Variants in IRAG1 observed in about 807,000 individuals in gnomAD.
IRAG1 encodes the protein IP3R-associated cGMP kinase substrate.
Under a neutral mutation model 106.2 loss-of-function variants are expected in IRAG1, and 62 were observed. The ratio of observed to expected loss-of-function variants is 0.58; its 90% CI spans 0.48 to 0.72. The LOEUF is 0.72. Among genes scored for constraint, IRAG1 ranks in the 30% least tolerant of loss-of-function variants. IRAG1 has a pLI of 0.00. For missense variants in IRAG1, 1,064 were observed against 1,140.7 expected (o/e 0.93, Z 0.97); for synonymous variants, 462 against 443.9 (o/e 1.04, Z -0.51).
At chr11:10,636,093 G>A in intron 2 of IRAG1, among the ~76,000 whole-genome samples, 1 of 152,210 alleles carries the variant, frequency 6.6e-6, no homozygotes, top group East Asian at 1.9e-4. Context: ...TCGTGGACAA[G>A]TTATTTAACC....
Position 10,657,759 on chromosome 11 carries a change from T to A in IRAG1, c.68-5577A>T, listed in dbSNP as rs1859035431. On this transcript the variant is annotated intron_variant, in intron 1 of 20. Coordinates refer to ENST00000423302, the MANE Select transcript of IRAG1 (RefSeq NM_130385.4). This position sits in a 1 kb window ranked among gnomAD's most constrained non-coding sequence, Gnocchi z 4.1. The stretch of plus-strand genomic sequence containing the variant: ...GGGAATTGTTGGGGGTGACTGCACG[T>A]GGAGCTCTCTTAGCCCTTCTGCAAA... Among the ~76,000 whole-genome samples, 1 of 152,178 alleles carries A rather than the reference T, an allele frequency of 6.6e-6. No individual in the cohort carries two copies. Among genetic ancestry groups the A allele is most frequent in the South Asian group, 2.1e-4 (1 of 4,824 alleles).
At chr11:10,672,849 C>T (rs1860355642) in intron 1 of IRAG1, among the ~76,000 whole-genome samples, 1 of 152,070 alleles carries the variant, frequency 6.6e-6, no homozygotes, top group African/African-American at 2.4e-5. Flanking sequence ...AATGTATATC[C>T]ACATAAAAAC....
At chr11:10,616,991 G>A (rs1207283688) in intron 10 of IRAG1, 1 of 981,190 alleles carries the variant, frequency 1.0e-6, no homozygotes, top group East Asian at 1.1e-4. Context: ...TGAGTCCCAG[G>A]ATGGTTCCTA....
At chr11:10,606,795 T>G (rs373456632) in intron 11 of IRAG1, 23 bp from the exon 12 acceptor site, 3 of 1,570,520 alleles carry the variant, frequency 1.9e-6, no homozygotes, top group Non-Finnish European at 2.6e-6. Context: ...AAACACACAA[T>G]TGAACTGTGT....
intron 2 of IRAG1, among the ~76,000 whole-genome samples, chr11:10,636,535 G>A (rs1000444570): frequency 2.0e-5 from 3 of 152,216 alleles, no homozygotes; most frequent in African/African-American, 4.8e-5. Flanking sequence ...TTAAATAAAT[G>A]TGTACATTAC....
intron 9 of IRAG1, among the ~76,000 whole-genome samples, chr11:10,625,289 C>T (rs1210056429): frequency 6.6e-6 from 1 of 152,110 alleles, no homozygotes; most frequent in Non-Finnish European, 1.5e-5. Context: ...TCCAAGTGGG[C>T]CTTCTGGAGG....
At chr11:10,645,453 G>A (rs374569553) in intron 2 of IRAG1, among the ~76,000 whole-genome samples, 3 of 152,170 alleles carry the variant, frequency 2.0e-5, no homozygotes, top group East Asian at 1.9e-4. Flanking sequence ...TACCATGTAC[G>A]ACTGCGTTCT....
At chr11:10,672,766 T>A (rs1178093492) in intron 1 of IRAG1, among the ~76,000 whole-genome samples, 4 of 152,214 alleles carry the variant, frequency 2.6e-5, no homozygotes, top group Admixed American at 2.0e-4. Context: ...GCTTAGCAGT[T>A]CCTCAAAAGG....
chr11:10,652,026 T>A lies in IRAG1; in HGVS notation c.224A>T (p.Gln75Leu). The A allele has an allele frequency of 1.9e-6, 3 of 1,566,982 alleles. No homozygotes were observed. The highest frequency in any genetic ancestry group is 2.6e-6 in the Non-Finnish European group (3 of 1,157,214). The change falls in exon 2 of 21, where the codon CAA becomes CTA. Residue 75 changes from glutamine (Q) to leucine (L), a missense_variant and splice_region_variant. Gln to Leu is a moderately radical substitution (Grantham distance 113). Transcript: ENST00000423302. Reference protein sequence around the residue: ...EPQAAQSPAGQGPPAAGVSCS... With the variant: ...EPQAAQSPAGLGPPAAGVSCS... ...TGAGGGCAGGGAGGGGGCACTTACTTGGCCGGCAGGGCTCTGGGCTGCCTG... is the reference window on the plus strand; with the variant it reads ...TGAGGGCAGGGAGGGGGCACTTACTAGGCCGGCAGGGCTCTGGGCTGCCTG...
At chr11:10,612,178 T>C (rs975781911) in intron 10 of IRAG1, among the ~76,000 whole-genome samples, 1 of 152,176 alleles carries the variant, frequency 6.6e-6, no homozygotes, top group Non-Finnish European at 1.5e-5. Flanking sequence ...TTCCTTCCTT[T>C]CTTAGCAGAG....
Position 10,664,228 on chromosome 11 carries a change from A to C in IRAG1, c.68-12046T>G, listed in dbSNP as rs117310362. Among the ~76,000 whole-genome samples the C allele has an allele frequency of 2.1e-3, 319 of 152,230 alleles. 1 individual carries two copies. Among genetic ancestry groups the C allele is most frequent in the Non-Finnish European group, 3.4e-3 (232 of 68,008 alleles). On this transcript the variant is annotated intron_variant, in intron 1 of 20. Coordinates refer to ENST00000423302, the MANE Select transcript of IRAG1 (RefSeq NM_130385.4). ...ACAGGAAGCAGCTGCGACTGTGATC[A>C]TCTAAGACCAGCAGGAGAGAGTGTT... is the stretch of plus-strand genomic sequence containing the variant.
intron 18 of IRAG1, among the ~76,000 whole-genome samples, chr11:10,585,431 G>A (rs1379048540): frequency 6.6e-6 from 1 of 151,544 alleles, no homozygotes; most frequent in African/African-American, 2.4e-5. Flanking sequence ...AGGTATTAGT[G>A]TTCTCTGTTT....
Position 10,628,775 on chromosome 11 carries a change from A to G in IRAG1, c.628T>C (p.Ser210Pro). The G allele has an allele frequency of 1.3e-6, 2 of 1,555,406 alleles. No individual in the cohort carries two copies. The highest frequency in any genetic ancestry group is 1.7e-6 in the Non-Finnish European group (2 of 1,156,034). The part of the protein sequence containing the change: ...SASPTSSRSN[S>P]LTVPTPPGLD... ...CCTGGCGGGGTGGGGACTGTAAGTG[A>G]GTTGCTCCGAGAGGATGTAGGAGAA... is the stretch of plus-strand genomic sequence containing the variant. Residue 210 changes from serine to proline, a missense_variant, in exon 6 of 21, where the codon TCA becomes CCA. Ser to Pro is a moderately conservative substitution (Grantham distance 74). Transcript: ENST00000423302. The surrounding 1 kb of genome is among the most constrained non-coding windows in gnomAD (Gnocchi z 4.1).
intron 2 of IRAG1, among the ~76,000 whole-genome samples, chr11:10,650,370 A>C (rs1858374351): frequency 6.6e-6 from 1 of 152,232 alleles, no homozygotes; most frequent in African/African-American, 2.4e-5. Context: ...GCAGGGGTGC[A>C]TCTTTGCTGA....
intron 2 of IRAG1, among the ~76,000 whole-genome samples, chr11:10,639,957 A>G (rs541332316): frequency 1.3e-5 from 2 of 152,274 alleles, no homozygotes; most frequent in South Asian, 2.1e-4. Flanking sequence ...TTGAATGCCT[A>G]TTGTGGCCAG....
chr11:10,581,753 G>A (rs1851417974), intron 19 of IRAG1, 114 bp downstream of exon 19: 14 of 1,299,564 alleles, frequency 1.1e-5, no homozygotes, highest in Non-Finnish European at 1.5e-5. Flanking sequence ...GTGGCAAGGA[G>A]GTCCTGCGGC....
At chr11:10,684,377 T>A (rs1212709334) in intron 1 of IRAG1, among the ~76,000 whole-genome samples, 2 of 151,822 alleles carry the variant, frequency 1.3e-5, no homozygotes, top group Non-Finnish European at 2.9e-5. Flanking sequence ...AAACACTGCA[T>A]CTTCTCACTC....
At position 10,611,207 on chromosome 11, in the gene IRAG1, G is replaced by T. The variant is rs111524750; in HGVS notation, c.1448-1356C>A. On this transcript the variant is annotated intron_variant, in intron 10 of 20. Transcript: ENST00000423302. Reference sequence around the variant, plus strand: ...GCTGGAGGATCATCTGTCAGAGATGGGTCAGTCAGCAATTCTTCTTTGGAT... The same window carrying T: ...GCTGGAGGATCATCTGTCAGAGATGTGTCAGTCAGCAATTCTTCTTTGGAT... Among the ~76,000 whole-genome samples, 8 of 152,276 alleles carry T rather than the reference G, an allele frequency of 5.3e-5. 1 individual carries two copies. The highest frequency in any genetic ancestry group is 1.9e-4 in the African/African-American group (8 of 41,536).
rs1252428704 is a variant in IRAG1 at position 10,647,563 on chromosome 11, G to A, written c.225+4462C>T. Among the ~76,000 whole-genome samples, 6 of 152,198 alleles carry A rather than the reference G, an allele frequency of 3.9e-5. No individual in the cohort carries two copies. Among genetic ancestry groups the A allele is most frequent in the Non-Finnish European group, 8.8e-5 (6 of 68,038 alleles). The stretch of plus-strand genomic sequence containing the variant: ...CTGGGGGCTTCTAAAACCCTTTGGA[G>A]GAGGATGGGAGTTGTTCAGGTGGAA... On this transcript the variant is annotated intron_variant, in intron 2 of 20. Coordinates refer to ENST00000423302, the MANE Select transcript of IRAG1 (RefSeq NM_130385.4). The surrounding 1 kb of genome is among the most constrained non-coding windows in gnomAD (Gnocchi z 4.3).
Sources: gnomAD v4.1 joint callset for allele counts (sites outside exome capture counted in the v4.1 genomes callset) on GRCh38, gnomAD v4.1.1 for gene constraint, Gnocchi (gnomAD v3.1) non-coding constraint, MANE v1.5 for transcripts, NCBI Gene and HGNC (gene_info 2026-07-23, HGNC 2026-07-21) for gene names.